The following PPL variants were observed in gnomAD, a reference collection of about 807,000 sequenced individuals.
PPL encodes the protein periplakin, also known as 190 kDa paraneoplastic pemphigus antigen.
In PPL, 198 loss-of-function variants were observed where a neutral mutation model predicts 194.4. The observed-to-expected ratio is 1.02, with a 90% confidence interval of 0.91 to 1.15. PPL has a LOEUF of 1.15. Ranked by LOEUF, PPL falls within the 50% of genes most tolerant of loss-of-function variation. The pLI, the probability that PPL is intolerant of heterozygous loss-of-function variation, is 0.00. For synonymous variants in PPL, 1,220 were observed against 972.4 expected (o/e 1.25, Z -4.74); for missense variants, 2,885 against 2,294.8 (o/e 1.26, Z -5.25).
At chr16:4,898,786 A>T (rs373583592) in intron 8 of PPL, among the ~76,000 whole-genome samples, 2 of 152,364 alleles carry the variant, frequency 1.3e-5, no homozygotes, top group Admixed American at 6.5e-5. Flanking sequence ...AAACTAATAC[A>T]GACCCCACAG....
At chr16:4,923,058 G>T (rs983257849) in intron 1 of PPL, among the ~76,000 whole-genome samples, 5 of 152,140 alleles carry the variant, frequency 3.3e-5, no homozygotes, top group African/African-American at 1.2e-4. Context: ...AGTAGGTTTG[G>T]GGATTTGAAG....
At chr16:4,889,098 A>G in intron 18 of PPL, 37 bp from the exon 19 acceptor site, 1 of 1,571,844 alleles carries the variant, frequency 6.4e-7, no homozygotes, top group Non-Finnish European at 8.7e-7. Context: ...ACTAACCAGA[A>G]AAAAAATTTA....
intron 1 of PPL, among the ~76,000 whole-genome samples, chr16:4,913,210 C>T (rs543306896): frequency 1.3e-5 from 2 of 152,256 alleles, no homozygotes; most frequent in East Asian, 3.9e-4. Context: ...CCCCCCGTCC[C>T]CCAGAACCAC....
intron 2 of PPL, 82 bp from the exon 3 acceptor site, chr16:4,904,122 G>A (rs1432110426): frequency 1.4e-6 from 2 of 1,418,750 alleles, no homozygotes; most frequent in East Asian, 2.4e-5. Flanking sequence ...GAGGAAAGGG[G>A]TCAGCAGGGT....
Position 4,897,763 on chromosome 16 carries a change from A to T in PPL, c.884T>A (p.Met295Lys). ...HPGRNSIEAH[M>K]EAVHADWKEY... is the part of the protein sequence containing the mutation. Reference sequence around the variant, plus strand: ...CTTCCAGTCTGCGTGCACAGCCTCCATGTGCGCCTGCCAGGAAGAGAAGGG... The same window carrying T: ...CTTCCAGTCTGCGTGCACAGCCTCCTTGTGCGCCTGCCAGGAAGAGAAGGG... The change falls in exon 9 of 22, where the codon ATG (methionine) becomes AAG (lysine). Residue 295 changes from methionine (M) to lysine (K), a missense_variant. Physicochemically the swap from Met to Lys is moderately conservative, Grantham distance 95. Coordinates refer to ENST00000345988, the MANE Select transcript of PPL (RefSeq NM_002705.5). The T allele has an allele frequency of 6.2e-7, 1 of 1,613,288 alleles. No individual in the cohort carries two copies. The highest frequency in any genetic ancestry group is 8.5e-7 in the Non-Finnish European group (1 of 1,179,580).
chr16:4,892,412 T>C (rs1427688621), intron 14 of PPL, among the ~76,000 whole-genome samples, 199 bp from the exon 15 acceptor site: 2 of 152,172 alleles, frequency 1.3e-5, no homozygotes, highest in African/African-American at 4.8e-5. Flanking sequence ...AGGGAACCGC[T>C]GAGGTGGAAT....
Position 4,893,555 on chromosome 16 carries a change from G to A in PPL, c.1478C>T (p.Thr493Ile), listed in dbSNP as rs780076287. The A allele has an allele frequency of 1.2e-6, 2 of 1,612,576 alleles. No individual in the cohort carries two copies. The highest frequency in any genetic ancestry group is 1.7e-6 in the Non-Finnish European group (2 of 1,179,828). The change falls in exon 13 of 22, where the codon ACC (threonine) becomes ATC (isoleucine). Residue 493 changes from threonine (T) to isoleucine (I), a missense_variant. Coordinates refer to ENST00000345988, the MANE Select transcript of PPL (RefSeq NM_002705.5). The stretch of plus-strand genomic sequence containing the variant: ...CTGGCACCCACCTCCGGGATTCTCG[G>A]TCTTCAGCACCTCATACCGCTGCTG... ...TLQQRYEVLK[T>I]ENPGDASDLQ...
chr16:4,914,033 C>T (rs1326247819), intron 1 of PPL, among the ~76,000 whole-genome samples: 6 of 152,184 alleles, frequency 3.9e-5, no homozygotes, highest in South Asian at 2.1e-4. Context: ...GTGGGGACAG[C>T]GGTGGTCACT....
Position 4,906,317 on chromosome 16 carries a change from C to T in PPL, c.163-2277G>A, listed in dbSNP as rs906089072. Among the ~76,000 whole-genome samples, 9 of 152,154 alleles carry T rather than the reference C, an allele frequency of 5.9e-5. 1 individual carries two copies. The South Asian group carries it at 8.3e-4, about 14-fold the overall frequency. The stretch of plus-strand genomic sequence containing the variant: ...TCGGCTCACTGCAAGCTCTGCCTCC[C>T]GGATTCACACCATTATCCTGCCTCA... On this transcript the variant is annotated intron_variant, in intron 2 of 21. Transcript: ENST00000345988.
At chr16:4,928,483 C>T (rs2089187441) in intron 1 of PPL, among the ~76,000 whole-genome samples, 1 of 152,190 alleles carries the variant, frequency 6.6e-6, no homozygotes, top group South Asian at 2.1e-4. Context: ...TAAAACACAC[C>T]AGAGCTGCTG....
At position 4,902,366 on chromosome 16, in the gene PPL, A is replaced by G; in HGVS notation, c.438+40T>C. 1 of 1,610,554 alleles carries G rather than the reference A, an allele frequency of 6.2e-7. No individual in the cohort carries two copies. Among genetic ancestry groups the G allele is most frequent in the Non-Finnish European group, 8.5e-7 (1 of 1,178,124 alleles). On this transcript the variant is annotated intron_variant, in intron 4 of 21. Coordinates refer to ENST00000345988, the MANE Select transcript of PPL (RefSeq NM_002705.5). This position sits in a 1 kb window ranked among gnomAD's most constrained non-coding sequence, Gnocchi z 4.0. ...CCTGCACACGCACAGCCCCCTCCCC[A>G]GCTGAAACCCTGGAGCCAGCGGCCC...
intron 10 of PPL, 38 bp downstream of exon 10, chr16:4,895,556 G>GC (rs762490746): frequency 6.2e-6 from 10 of 1,612,730 alleles, no homozygotes; most frequent in South Asian, 1.1e-5. Context: ...GGGGTCCCCC[G>GC]CCCCCCGGGC....
At chr16:4,908,822 C>A (rs1568030073) in intron 2 of PPL, among the ~76,000 whole-genome samples, 1 of 152,116 alleles carries the variant, frequency 6.6e-6, no homozygotes, top group African/African-American at 2.4e-5. Flanking sequence ...ATTACAGGCG[C>A]GAGCCACCGC....
chr16:4,906,531 G>A lies in PPL; in HGVS notation c.163-2491C>T, dbSNP rs369428894. The stretch of plus-strand genomic sequence containing the variant: ...TGAGCCACCGCGCCCGGCCTGCTTG[G>A]AGTAGAATTTTATTCACTCCATTAT... On this transcript the variant is annotated intron_variant, in intron 2 of 21. Coordinates refer to ENST00000345988, the MANE Select transcript of PPL (RefSeq NM_002705.5). 4.7e-4 allele frequency among the ~76,000 whole-genome samples: 71 copies of A among 152,308 alleles called. 1 individual carries two copies. Among genetic ancestry groups the A allele is most frequent in the African/African-American group, 1.4e-3 (60 of 41,566 alleles).
Position 4,882,523 on chromosome 16 carries a change from T to C in PPL, c.*861A>G, listed in dbSNP as rs2088115458. The C allele has an allele frequency of 6.6e-6, 1 of 151,806 alleles. No individual in the cohort carries two copies. The highest frequency in any genetic ancestry group is 2.4e-5 in the African/African-American group (1 of 41,162). 9.4% of individuals were successfully genotyped at this position (151,806 alleles called of 1,614,324 possible). On this transcript the variant is annotated 3_prime_UTR_variant, in exon 22 of 22. Transcript: ENST00000345988. ...AAACATGTGGACCGTACAAGCAGAC[T>C]CCAGCCACCAGGTTTATTTTCATGC...
At chr16:4,913,068 C>T (rs933852756) in intron 1 of PPL, among the ~76,000 whole-genome samples, 1 of 151,538 alleles carries the variant, frequency 6.6e-6, no homozygotes, top group African/African-American at 2.4e-5. Context: ...TGCACCACTG[C>T]ACTCCAGCCT....
Position 4,903,940 on chromosome 16 carries a change from T to A in PPL, c.263A>T (p.Asp88Val). 2 of 1,614,082 alleles carry A rather than the reference T, an allele frequency of 1.2e-6. No homozygotes were observed. Among genetic ancestry groups the A allele is most frequent in the Non-Finnish European group, 1.7e-6 (2 of 1,180,042 alleles). Residue 88 changes from aspartate (D) to valine (V), a missense_variant, in exon 3 of 22, where the codon GAT becomes GTT. Coordinates refer to ENST00000345988, the MANE Select transcript of PPL (RefSeq NM_002705.5). ...CTTCATGTGCTTGGCAATGGCCGCA[T>A]CCGCCTCTAGCACATAGAGCAGCTT... ...SEKLLYVLEADAAIAKHMKHP... is the reference protein window; with the variant it reads ...SEKLLYVLEAVAAIAKHMKHP...
At chr16:4,932,557 G>C (rs982800038) in intron 1 of PPL, among the ~76,000 whole-genome samples, 5 of 151,852 alleles carry the variant, frequency 3.3e-5, no homozygotes, top group African/African-American at 1.2e-4. Flanking sequence ...GGGATTACAG[G>C]TTTCCGCCAC....
chr16:4,899,110 T>A lies in PPL; in HGVS notation c.779A>T (p.Asn260Ile), dbSNP rs143952365. The A allele has an allele frequency of 6.3e-7, 1 of 1,583,684 alleles. No individual in the cohort carries two copies. The highest frequency in any genetic ancestry group is 1.4e-5 in the African/African-American group (1 of 73,742). ...SRRRQYENFINRNLEAKEERI... is the reference protein window; with the variant it reads ...SRRRQYENFIIRNLEAKEERI... Reference sequence around the variant, plus strand: ...CTCCTCTTTGGCCTCCAGGTTCCGGTTGATGAAATTCTGCAGTGGGGGGCA... The same window carrying A: ...CTCCTCTTTGGCCTCCAGGTTCCGGATGATGAAATTCTGCAGTGGGGGGCA... The change falls in exon 8 of 22, where the codon AAC becomes ATC. Residue 260 changes from asparagine (N) to isoleucine (I), a missense_variant. Asn to Ile is a moderately radical substitution (Grantham distance 149, BLOSUM62 -3). Transcript: ENST00000345988.
Sources: gnomAD v4.1 joint callset for allele counts (sites outside exome capture counted in the v4.1 genomes callset) on GRCh38, gnomAD v4.1.1 for gene constraint, Gnocchi (gnomAD v3.1) non-coding constraint, MANE v1.5 for transcripts, NCBI Gene and HGNC (gene_info 2026-07-23, HGNC 2026-07-21) for gene names.